Variants in GPBP1 observed in about 807,000 individuals in gnomAD.
GPBP1 encodes the protein vasculin.
GPBP1 carries 13 observed loss-of-function variants against 56.5 expected under a neutral mutation model. The observed-to-expected ratio is 0.23, with a 90% CI of 0.15 to 0.37. GPBP1 has a LOEUF of 0.37. Ranked by LOEUF, GPBP1 falls within the 10% of genes least tolerant of loss-of-function variation. The probability of loss-of-function intolerance (pLI) is 1.00; values close to 1 mark genes in which losing one functional copy is unlikely to be tolerated. For missense variants in GPBP1, 477 were observed against 572.3 expected (o/e 0.83, Z 1.70); for synonymous variants, 204 against 188.9 (o/e 1.08, Z -0.66).
intron 3 of GPBP1, chr5:57,221,228 G>A: frequency 1.6e-6 from 1 of 613,500 alleles, no homozygotes; most frequent in Non-Finnish European, 2.8e-6. Context: ...TAGTGAGAAG[G>A]ATATTTTACA....
In GPBP1 at chr5:57,220,169, A is replaced by T. The variant is rs187601113; in HGVS notation, c.63+5976A>T. 1.8e-4 allele frequency among the ~76,000 whole-genome samples: 28 copies of T among 152,230 alleles called. No individual in the cohort carries two copies. The East Asian group carries it at 5.4e-3, about 29-fold the overall frequency. ...TTGGTAATTTAAAAAATTAAAAAAA[A>T]AATAGAGACAGGGTCTCACTATCTT... On this transcript the variant is annotated intron_variant, in intron 3 of 11. Coordinates refer to ENST00000506184, the MANE Select transcript of GPBP1 (RefSeq NM_022913.4).
At chr5:57,245,039 T>G (rs1741025381) in intron 6 of GPBP1, among the ~76,000 whole-genome samples, 1 of 152,174 alleles carries the variant, frequency 6.6e-6, no homozygotes, top group African/African-American at 2.4e-5. Flanking sequence ...GCAGCCTGTT[T>G]GAGATCTTTA....
At chr5:57,202,151 G>A (rs539683424) in intron 2 of GPBP1, among the ~76,000 whole-genome samples, 9 of 152,208 alleles carry the variant, frequency 5.9e-5, no homozygotes, top group African/African-American at 2.2e-4. Context: ...ATGCCACTAC[G>A]CTCGGCTAGT....
chr5:57,203,592 C>G (rs1755108927), intron 2 of GPBP1, among the ~76,000 whole-genome samples: 1 of 152,082 alleles, frequency 6.6e-6, no homozygotes, highest in African/African-American at 2.4e-5. Flanking sequence ...TTCCAGTGAC[C>G]CAAGATTGTA....
intron 2 of GPBP1, among the ~76,000 whole-genome samples, chr5:57,196,577 C>T (rs540947030): frequency 5.9e-5 from 9 of 152,074 alleles, no homozygotes; most frequent in East Asian, 1.9e-4. Flanking sequence ...ATAAAATTGT[C>T]ATCATCTATT....
At chr5:57,262,485 G>T (rs1372992000) in intron 11 of GPBP1, 109 bp from the exon 12 acceptor site, 2 of 778,308 alleles carry the variant, frequency 2.6e-6, no homozygotes, top group Non-Finnish European at 4.2e-6. Context: ...ATCATTACTT[G>T]TGTAGTTTTT....
At chr5:57,177,670 T>A (rs1753849162) in intron 2 of GPBP1, among the ~76,000 whole-genome samples, 2 of 121,676 alleles carry the variant, frequency 1.6e-5, no homozygotes, top group South Asian at 2.7e-4. Context: ...TTTTTTTTTT[T>A]TTTTTTTTAG....
chr5:57,196,730 C>T (rs887434027), intron 2 of GPBP1, among the ~76,000 whole-genome samples: 1 of 146,596 alleles, frequency 6.8e-6, no homozygotes. Flanking sequence ...GTAGCTGGGA[C>T]CACAGGTGTG....
intron 2 of GPBP1, among the ~76,000 whole-genome samples, chr5:57,183,532 A>C (rs1754153069): frequency 6.6e-6 from 1 of 152,180 alleles, no homozygotes; most frequent in Admixed American, 6.5e-5. Flanking sequence ...AGTCCCAGCT[A>C]CTTGGGAGGC....
chr5:57,222,002 T>C (rs1260554183), intron 3 of GPBP1, among the ~76,000 whole-genome samples: 2 of 152,204 alleles, frequency 1.3e-5, no homozygotes, highest in Non-Finnish European at 2.9e-5. Flanking sequence ...AAATTTTAAA[T>C]GAAACTTTTT....
chr5:57,190,599 AAG>A (rs1491524187), intron 2 of GPBP1, among the ~76,000 whole-genome samples: 1 of 151,328 alleles, frequency 6.6e-6, no homozygotes, highest in Non-Finnish European at 1.5e-5. Flanking sequence ...AAAAAAAAAA[AAG>A]AAAAAAGCTA....
chr5:57,237,249 A>G (rs1756696843), intron 6 of GPBP1: 6 of 947,674 alleles, frequency 6.3e-6, no homozygotes, highest in South Asian at 1.4e-5. Flanking sequence ...AAGGTGTTAA[A>G]TAGAATCTCT....
chr5:57,250,337 C>T (rs1015374118), intron 9 of GPBP1, among the ~76,000 whole-genome samples: 19 of 151,794 alleles, frequency 1.3e-4, no homozygotes, highest in African/African-American at 4.6e-4. Flanking sequence ...TTGCTTCATT[C>T]TATAGTTTCT....
Position 57,251,084 on chromosome 5 carries a change from G to A in GPBP1, c.1103G>A (p.Arg368Gln), listed in dbSNP as rs372919827. 12 of 1,612,680 alleles carry A rather than the reference G, an allele frequency of 7.4e-6. No homozygotes were observed. The highest frequency in any genetic ancestry group is 4.5e-5 in the East Asian group (2 of 44,836). The change falls in exon 10 of 12, where the codon CGG becomes CAG. Residue 368 changes from arginine to glutamine, a missense_variant. This residue lies in a region of GPBP1 where 414 missense variants were observed against 458.2 expected (regional missense o/e 0.90). Transcript: ENST00000506184. ...NASVISQQII[R>Q]SSTFPQTDVL... ...TCAGTGATTTCCCAGCAGATCATTC[G>A]GTCTTCAACCTTCCCACAAACTGAT... is the stretch of plus-strand genomic sequence containing the variant.
At chr5:57,208,638 A>G (rs934716831) in intron 2 of GPBP1, among the ~76,000 whole-genome samples, 5 of 147,322 alleles carry the variant, frequency 3.4e-5, no homozygotes, top group South Asian at 2.1e-4. Flanking sequence ...ACACAGGGAT[A>G]TCTGTCTTTT....
At chr5:57,190,694 CTTTTTTTTT>C (rs773540051) in intron 2 of GPBP1, among the ~76,000 whole-genome samples, 5 of 68,872 alleles carry the variant, frequency 7.3e-5, no homozygotes, top group South Asian at 4.7e-4. Flanking sequence ...TTGCTGTTAG[CTTTTTTTTT>C]TTTTTTTTTT....
At chr5:57,244,553 G>T (rs1252325001) in intron 6 of GPBP1, among the ~76,000 whole-genome samples, 3 of 151,942 alleles carry the variant, frequency 2.0e-5, no homozygotes, top group Non-Finnish European at 4.4e-5. Context: ...AGATTCCTGG[G>T]CTTTACTCAA....
chr5:57,210,018 A>G (rs1259878948), intron 2 of GPBP1, among the ~76,000 whole-genome samples: 3 of 152,212 alleles, frequency 2.0e-5, no homozygotes, highest in African/African-American at 4.8e-5. Flanking sequence ...TGAAATCATT[A>G]TAAAGACAGT....
At chr5:57,196,008 T>TAAA (rs1561330293) in intron 2 of GPBP1, among the ~76,000 whole-genome samples, 729 of 53,684 alleles carry the variant, frequency 0.014, 8 homozygotes, top group African/African-American at 0.026. Context: ...AAAAAAAAAT[T>TAAA]TTTTTTTTTT....
Sources: gnomAD v4.1 joint callset for allele counts (sites outside exome capture counted in the v4.1 genomes callset) on GRCh38, gnomAD v4.1.1 for gene constraint, gnomAD v4.1.1 regional missense constraint, MANE v1.5 for transcripts, NCBI Gene and HGNC (gene_info 2026-07-23, HGNC 2026-07-21) for gene names.